SLCO3A1: variants seen among roughly 807,000 people sequenced by gnomAD.
SLCO3A1 encodes solute carrier organic anion transporter family member 3A1, also known as PGE1 transporter.
SLCO3A1 carries 27 observed loss-of-function variants against 63.1 expected under a neutral mutation model. The ratio of observed to expected loss-of-function variants is 0.43; its 90% CI spans 0.32 to 0.59. The LOEUF is 0.59. Among genes scored for constraint, SLCO3A1 ranks in the 20% least tolerant of loss-of-function variants. The pLI is 0.09. For synonymous variants in SLCO3A1, 473 were observed against 409.9 expected, an observed-to-expected ratio of 1.15 and a Z score of -1.86; for missense variants, 773 against 945.8, an observed-to-expected ratio of 0.82 and a Z score of 2.40.
rs556442820 is a variant in SLCO3A1 at position 92,030,552 on chromosome 15, A to G, written c.647-64329A>G. On this transcript the variant is annotated intron_variant, in intron 2 of 9. Transcript: ENST00000318445. The stretch of plus-strand genomic sequence containing the variant: ...TCTGGAAACTTAACATGAACTTTGA[A>G]GAACTCTGCCCTAAATCCAGCTCAC... Among the ~76,000 whole-genome samples the G allele has an allele frequency of 2.0e-5, 3 of 152,334 alleles. No individual in the cohort carries two copies. The East Asian group carries it at 5.8e-4, about 29-fold the overall frequency.
intron 1 of SLCO3A1, chr15:91,889,100 G>A: frequency 8.3e-7 from 1 of 1,199,432 alleles, no homozygotes; most frequent in Non-Finnish European, 1.1e-6. Context: ...TGTTATTACA[G>A]AATAAATATA....
chr15:92,078,746 A>G (rs1234893578), intron 2 of SLCO3A1, among the ~76,000 whole-genome samples: 1 of 151,982 alleles, frequency 6.6e-6, no homozygotes, highest in African/African-American at 2.4e-5. Flanking sequence ...CAGTTTCCTT[A>G]CGTTAAAATG....
At position 92,000,508 on chromosome 15, in the gene SLCO3A1, A is replaced by G. The variant is rs116722397; in HGVS notation, c.646+84050A>G. On this transcript the variant is annotated intron_variant, in intron 2 of 9. Transcript: ENST00000318445. ...ATATATCTATAGGTGGTGGTTGCATAAGGTGAATGTATTAAATGCTGTTGA... is the reference window on the plus strand; with the variant it reads ...ATATATCTATAGGTGGTGGTTGCATGAGGTGAATGTATTAAATGCTGTTGA... 2.4e-3 allele frequency among the ~76,000 whole-genome samples: 370 copies of G among 151,516 alleles called. 3 individuals carry two copies. Among genetic ancestry groups the G allele is most frequent in the Middle Eastern group, 0.01 (3 of 294 alleles).
Position 92,118,544 on chromosome 15 carries a change from T to G in SLCO3A1, c.1010-1921T>G, listed in dbSNP as rs146856166. On this transcript the variant is annotated intron_variant, in intron 4 of 9. Transcript: ENST00000318445. Reference sequence around the variant, plus strand: ...GTCTGTTAACATTATTAAAAACTTATGCATCCCCTATTATTATTTTATTCT... The same window carrying G: ...GTCTGTTAACATTATTAAAAACTTAGGCATCCCCTATTATTATTTTATTCT... 3.8e-3 allele frequency among the ~76,000 whole-genome samples: 579 copies of G among 152,340 alleles called. 4 individuals carry two copies. Among genetic ancestry groups the G allele is most frequent in the African/African-American group, 0.013 (540 of 41,570 alleles).
intron 1 of SLCO3A1, among the ~76,000 whole-genome samples, chr15:91,893,345 TA>T (rs1319202301): frequency 3.9e-5 from 6 of 152,228 alleles, no homozygotes; most frequent in Non-Finnish European, 8.8e-5. Flanking sequence ...CACGATACCA[TA>T]AACTGGGTGG....
intron 4 of SLCO3A1, among the ~76,000 whole-genome samples, chr15:92,109,476 C>T (rs2047703654): frequency 6.6e-6 from 1 of 152,166 alleles, no homozygotes; most frequent in African/African-American, 2.4e-5. Flanking sequence ...CAACTCCCTG[C>T]AACCATTGGC....
At chr15:92,102,639 T>G (rs2047619922) in intron 3 of SLCO3A1, among the ~76,000 whole-genome samples, 1 of 152,162 alleles carries the variant, frequency 6.6e-6, no homozygotes. Flanking sequence ...TGCAGAAACA[T>G]CTGGTCCATT....
rs1297063438 is a variant in SLCO3A1 at position 91,954,388 on chromosome 15, G to C, written c.646+37930G>C. ...TGCTGAGCCTCAGCCAGGCGGAGACGGGCGGGTACTGCACAGAGTGAGGCA... is the reference window on the plus strand; with the variant it reads ...TGCTGAGCCTCAGCCAGGCGGAGACCGGCGGGTACTGCACAGAGTGAGGCA... On this transcript the variant is annotated intron_variant, in intron 2 of 9. Transcript: ENST00000318445. This position sits in a 1 kb window ranked among gnomAD's most constrained non-coding sequence, Gnocchi z 4.7. 1.3e-5 allele frequency among the ~76,000 whole-genome samples: 2 copies of C among 152,194 alleles called. No individual in the cohort carries two copies. Among genetic ancestry groups the C allele is most frequent in the Admixed American group, 6.5e-5 (1 of 15,290 alleles).
chr15:91,990,853 G>C (rs1198555035), intron 2 of SLCO3A1, among the ~76,000 whole-genome samples: 2 of 152,116 alleles, frequency 1.3e-5, no homozygotes, highest in Non-Finnish European at 2.9e-5. Flanking sequence ...ATTTGCATGT[G>C]TGTTGCTGGC....
intron 4 of SLCO3A1, among the ~76,000 whole-genome samples, chr15:92,110,925 G>A (rs1008926384): frequency 6.6e-6 from 1 of 152,186 alleles, no homozygotes; most frequent in Admixed American, 6.5e-5. Context: ...CAGCCCACAT[G>A]TGACTACCTG....
intron 2 of SLCO3A1, among the ~76,000 whole-genome samples, chr15:92,061,956 C>G (rs2047091772): frequency 6.6e-6 from 1 of 152,226 alleles, no homozygotes; most frequent in South Asian, 2.1e-4. Flanking sequence ...AGTCACGCAT[C>G]TGCCACCATC....
At chr15:92,149,694 ATTC>A (rs1230187520) in intron 8 of SLCO3A1, 4 of 152,220 alleles carry the variant, frequency 2.6e-5, no homozygotes, top group Admixed American at 1.3e-4. Context: ...GCCAAGAAGG[ATTC>A]TTCTTCTCAT....
At chr15:92,062,824 A>G (rs572148776) in intron 2 of SLCO3A1, among the ~76,000 whole-genome samples, 64 of 152,272 alleles carry the variant, frequency 4.2e-4, no homozygotes, top group African/African-American at 1.4e-3. Context: ...TTCCCTGGAA[A>G]TCAGTGTCCA....
At chr15:91,913,436 C>T (rs995838681) in intron 1 of SLCO3A1, among the ~76,000 whole-genome samples, 2 of 152,226 alleles carry the variant, frequency 1.3e-5, no homozygotes, top group African/African-American at 4.8e-5. Context: ...CAGACCAGTT[C>T]AGTCAGAACC....
At chr15:92,029,888 T>G (rs1404382817) in intron 2 of SLCO3A1, among the ~76,000 whole-genome samples, 2 of 151,702 alleles carry the variant, frequency 1.3e-5, no homozygotes, top group African/African-American at 4.9e-5. Flanking sequence ...AGGCACCTTC[T>G]TGGCTCAGGT....
chr15:91,985,744 G>A (rs752330392), intron 2 of SLCO3A1, among the ~76,000 whole-genome samples: 2 of 152,178 alleles, frequency 1.3e-5, no homozygotes, highest in Non-Finnish European at 1.5e-5. Context: ...AGTTCTGGAG[G>A]GTGGTTGCTT....
intron 7 of SLCO3A1, among the ~76,000 whole-genome samples, chr15:92,144,177 C>G (rs889019941): frequency 2.0e-5 from 3 of 152,206 alleles, no homozygotes; most frequent in Admixed American, 2.0e-4. Flanking sequence ...TTCACAGTTC[C>G]CAGTTGGGAC....
At chr15:91,889,224 G>T in intron 1 of SLCO3A1, 1 of 1,218,542 alleles carries the variant, frequency 8.2e-7, no homozygotes, top group South Asian at 1.3e-5. Flanking sequence ...TAAAATTGTT[G>T]CCAGGAAAGG....
intron 2 of SLCO3A1, among the ~76,000 whole-genome samples, chr15:92,022,461 G>A (rs895463602): frequency 6.6e-6 from 1 of 152,238 alleles, no homozygotes; most frequent in Admixed American, 6.5e-5. Context: ...TAAAGTGTAG[G>A]AAGCTCTCAG....
Sources: gnomAD v4.1 joint callset for allele counts (sites outside exome capture counted in the v4.1 genomes callset) on GRCh38, gnomAD v4.1.1 for gene constraint, Gnocchi (gnomAD v3.1) non-coding constraint, MANE v1.5 for transcripts, NCBI Gene and HGNC (gene_info 2026-07-23, HGNC 2026-07-21) for gene names.